Variants in ARHGAP11B observed in about 807,000 individuals in gnomAD.
ARHGAP11B encodes inactive Rho GTPase-activating protein 11B.
A neutral mutation model predicts 27.6 loss-of-function variants in ARHGAP11B; 14 were observed. That is an observed-to-expected ratio of 0.51 (90% CI 0.34 to 0.79). ARHGAP11B has a LOEUF of 0.79. ARHGAP11B is among the 30% of genes least tolerant of loss of function. The pLI, the probability that ARHGAP11B is intolerant of heterozygous loss-of-function variation, is 0.02. For synonymous variants in ARHGAP11B, 82 were observed against 114.1 expected (o/e 0.72, Z 1.80); for missense variants, 245 against 320.1 (o/e 0.77, Z 1.79).
At chr15:30,648,466 C>T (rs1259068040) in exon 11 of ARHGAP11B, among the ~76,000 whole-genome samples, 1 of 151,914 alleles carries the variant, frequency 6.6e-6, no homozygotes. Context: ...TTCAGACAGA[C>T]CTGGGTGTGG....
chr15:30,630,920 T>G, intron 2 of ARHGAP11B, 147 bp downstream of exon 2: 1 of 1,397,408 alleles, frequency 7.2e-7, no homozygotes, highest in Non-Finnish European at 9.6e-7. Context: ...TCGCAAAAGA[T>G]AGAAAAATTA....
intron 8 of ARHGAP11B, chr15:30,646,105 C>G: frequency 1.2e-6 from 1 of 866,290 alleles, no homozygotes; most frequent in Non-Finnish European, 1.4e-6. Context: ...TATTTTCTTT[C>G]CTTGGCAGTG....
Position 30,648,089 on chromosome 15 carries a change from G to T in ARHGAP11B, c.*372-215G>T, listed in dbSNP as rs189164693. Among the ~76,000 whole-genome samples the T allele has an allele frequency of 8.4e-4, 127 of 151,998 alleles. 2 individuals are homozygous for T. The highest frequency in any genetic ancestry group is 3.0e-3 in the African/African-American group (126 of 41,474). ...GTTAGGATTACAGGAGTGAGCCACTGCGCCAGGCTAACTGTTACTGTTTTG... is the reference window on the plus strand; with the variant it reads ...GTTAGGATTACAGGAGTGAGCCACTTCGCCAGGCTAACTGTTACTGTTTTG... On this transcript the variant is annotated intron_variant, in intron 10 of 10. Transcript: ENST00000428041.
At chr15:30,630,272 T>A (rs774105255) in intron 1 of ARHGAP11B, among the ~76,000 whole-genome samples, 2 of 152,092 alleles carry the variant, frequency 1.3e-5, no homozygotes, top group Non-Finnish European at 2.9e-5. Context: ...ATTGACTTAG[T>A]CTTTTGTGTA....
chr15:30,641,526 G>C (rs557742963), intron 7 of ARHGAP11B: 38 of 151,932 alleles, frequency 2.5e-4, no homozygotes, highest in African/African-American at 8.4e-4. Context: ...TTTTAGTAGA[G>C]ACGGGGTTTC....
intron 1 of ARHGAP11B, among the ~76,000 whole-genome samples, chr15:30,627,676 G>T (rs1318778958): frequency 6.6e-6 from 1 of 151,892 alleles, no homozygotes; most frequent in Non-Finnish European, 1.5e-5. Flanking sequence ...TAATAGCTCT[G>T]CCACATAATC....
At chr15:30,645,436 T>C (rs547815801) in intron 8 of ARHGAP11B, among the ~76,000 whole-genome samples, 1 of 152,036 alleles carries the variant, frequency 6.6e-6, no homozygotes, top group Non-Finnish European at 1.5e-5. Context: ...AAGACCAAAG[T>C]GAAGCAAAAT....
chr15:30,638,863 T>C, intron 7 of ARHGAP11B, 53 bp downstream of exon 7: 1 of 1,032,104 alleles, frequency 9.7e-7, no homozygotes, highest in Non-Finnish European at 1.3e-6. Context: ...AAAATTTGTA[T>C]AGTATTCTAT....
chr15:30,639,344 T>A (rs2140903046), intron 7 of ARHGAP11B, among the ~76,000 whole-genome samples: 1 of 151,630 alleles, frequency 6.6e-6, no homozygotes, highest in East Asian at 1.9e-4. Context: ...ACATTAATAT[T>A]CTTTAATGTA....
At chr15:30,628,897 C>T (rs975763095) in intron 1 of ARHGAP11B, among the ~76,000 whole-genome samples, 5 of 151,954 alleles carry the variant, frequency 3.3e-5, no homozygotes, top group East Asian at 1.9e-4. Flanking sequence ...GAAAAAAACA[C>T]GCTGAATTCT....
intron 1 of ARHGAP11B, among the ~76,000 whole-genome samples, chr15:30,630,299 C>G (rs2060236215): frequency 6.6e-6 from 1 of 151,824 alleles, no homozygotes; most frequent in Admixed American, 6.6e-5. Context: ...TATAAGGTGA[C>G]CAAAAGAAAG....
intron 7 of ARHGAP11B, among the ~76,000 whole-genome samples, chr15:30,644,268 C>G (rs115570031): frequency 0.025 from 3,757 of 152,086 alleles, 149 homozygotes; most frequent in African/African-American, 0.079. Context: ...AGGATTGTGT[C>G]TTTTATATTT....
chr15:30,635,547 G>A (rs2060274635), exon 6 of ARHGAP11B: 1 of 1,613,052 alleles, frequency 6.2e-7, no homozygotes, highest in Non-Finnish European at 8.5e-7. Flanking sequence ...GATGGTCTCT[G>A]TGCTACTCCA....
intron 7 of ARHGAP11B, among the ~76,000 whole-genome samples, chr15:30,639,093 A>G (rs1429974005): frequency 6.6e-6 from 1 of 151,926 alleles, no homozygotes; most frequent in Non-Finnish European, 1.5e-5. Context: ...TTTAGATGCT[A>G]TTGAACGTGT....
chr15:30,638,047 G>T (rs371429224), intron 6 of ARHGAP11B, among the ~76,000 whole-genome samples: 17 of 150,756 alleles, frequency 1.1e-4, no homozygotes, highest in Non-Finnish European at 1.6e-4. Context: ...CTCTAACTCC[G>T]GACATCAAGT....
intron 9 of ARHGAP11B, among the ~76,000 whole-genome samples, chr15:30,647,131 C>T (rs911511454): frequency 2.0e-5 from 3 of 151,910 alleles, no homozygotes; most frequent in Non-Finnish European, 4.4e-5. Flanking sequence ...CAGACATCAA[C>T]CCCCTAAGAC....
At chr15:30,643,496 C>G (rs1223597260) in intron 7 of ARHGAP11B, among the ~76,000 whole-genome samples, 1 of 151,960 alleles carries the variant, frequency 6.6e-6, no homozygotes, top group Middle Eastern at 3.2e-3. Flanking sequence ...CCAGGCTGGT[C>G]TTGAACTCCT....
intron 2 of ARHGAP11B, among the ~76,000 whole-genome samples, chr15:30,632,866 A>G (rs898010664): frequency 6.6e-6 from 1 of 152,048 alleles, no homozygotes; most frequent in Non-Finnish European, 1.5e-5. Context: ...GAGATAGTAG[A>G]TAAAAGAAGG....
At chr15:30,629,155 C>A (rs945904930) in intron 1 of ARHGAP11B, among the ~76,000 whole-genome samples, 3 of 151,996 alleles carry the variant, frequency 2.0e-5, no homozygotes, top group East Asian at 1.9e-4. Flanking sequence ...TCTTCCTACA[C>A]CTCTATGACT....
Sources: allele counts gnomAD v4.1 joint callset (sites outside exome capture counted in the v4.1 genomes callset), GRCh38; gene constraint gnomAD v4.1.1; transcripts MANE v1.5; gene names NCBI Gene and HGNC (gene_info 2026-07-23, HGNC 2026-07-21).